The following PTPRJ variants were observed in gnomAD, a reference collection of about 807,000 sequenced individuals.
PTPRJ encodes the protein protein tyrosine phosphatase receptor type J.
In PTPRJ, 129 loss-of-function variants were observed where a neutral mutation model predicts 141.3. That is an observed-to-expected ratio of 0.91 (90% CI 0.79 to 1.06). PTPRJ has a LOEUF of 1.06. PTPRJ is among the 50% of genes least tolerant of loss of function. The pLI is 0.00. For synonymous variants in PTPRJ, 610 were observed against 640.5 expected (o/e 0.95, Z 0.72); for missense variants, 1,601 against 1,679.7 (o/e 0.95, Z 0.82).
chr11:48,159,848 A>G (rs1047333677), intron 21 of PTPRJ, 82 bp from the exon 22 acceptor site: 3 of 1,546,178 alleles, frequency 1.9e-6, no homozygotes, highest in East Asian at 2.3e-5. Context: ...CCAGTTTTCA[A>G]TAGCCAGTCT....
chr11:48,132,008 G>C, intron 8 of PTPRJ: 1 of 369,718 alleles, frequency 2.7e-6, no homozygotes, highest in Non-Finnish European at 3.7e-6. Flanking sequence ...TTAAATCCCT[G>C]ATATAGTAAA....
At chr11:48,006,701 C>G (rs1414999204) in intron 1 of PTPRJ, among the ~76,000 whole-genome samples, 1 of 152,148 alleles carries the variant, frequency 6.6e-6, no homozygotes, top group Non-Finnish European at 1.5e-5. Context: ...TAAAGGTCAC[C>G]CAGTGTCCTT....
At chr11:47,986,765 C>T (rs1197274311) in intron 1 of PTPRJ, among the ~76,000 whole-genome samples, 1 of 152,182 alleles carries the variant, frequency 6.6e-6, no homozygotes, top group African/African-American at 2.4e-5. Flanking sequence ...ATCCACCTGC[C>T]TTGGCCTCCC....
In PTPRJ at chr11:48,139,650, G is replaced by T; in HGVS notation, c.2317G>T (p.Gly773Cys). The T allele has an allele frequency of 6.2e-7, 1 of 1,614,234 alleles. No homozygotes were observed. The highest frequency in any genetic ancestry group is 8.5e-7 in the Non-Finnish European group (1 of 1,180,040). Residue 773 changes from glycine to cysteine, a missense_variant, in exon 11 of 25, where the codon GGC becomes TGC. Coordinates refer to ENST00000418331, the MANE Select transcript of PTPRJ (RefSeq NM_002843.4). Reference protein sequence around the residue: ...THLESCSSENGTEYRTEVTYL... With the variant: ...THLESCSSENCTEYRTEVTYL... ...CCTGGAGAGCTGCTCCTCTGAGAATGGCACTGAGTATAGAACGGAAGTCAC... is the reference window on the plus strand; with the variant it reads ...CCTGGAGAGCTGCTCCTCTGAGAATTGCACTGAGTATAGAACGGAAGTCAC...
chr11:48,164,605 C>T (rs1448373609), intron 24 of PTPRJ, 90 bp downstream of exon 24: 34 of 1,341,226 alleles, frequency 2.5e-5, no homozygotes, highest in Admixed American at 5.7e-5. Flanking sequence ...CTTGCTCTGT[C>T]GCCCAGGCTG....
intron 1 of PTPRJ, among the ~76,000 whole-genome samples, chr11:48,036,158 TTC>T (rs1809245618): frequency 6.6e-6 from 1 of 152,254 alleles, no homozygotes; most frequent in East Asian, 1.9e-4. Flanking sequence ...TTCTCATCTC[TTC>T]TGATCCTGAC....
At chr11:48,061,920 T>A (rs568855328) in intron 1 of PTPRJ, among the ~76,000 whole-genome samples, 3 of 150,414 alleles carry the variant, frequency 2.0e-5, no homozygotes, top group African/African-American at 7.3e-5. Context: ...TTTTTTTTTT[T>A]TTTTTTTTTC....
Position 48,136,127 on chromosome 11 carries a change from G to A in PTPRJ, c.1704G>A (p.Glu568=). Residue 568 remains glutamate, a synonymous_variant, in exon 9 of 25, where the codon GAG becomes GAA. Transcript: ENST00000418331. The stretch of plus-strand genomic sequence containing the variant: ...GGAAGAGCCCTGACGGTGCTTCCGA[G>A]TATGTCTACCATTTAGTCATAGAGT... ...LDWKSPDGAS[E]YVYHLVIESK... The A allele has an allele frequency of 1.2e-6, 2 of 1,614,162 alleles. No individual in the cohort carries two copies. The highest frequency in any genetic ancestry group is 1.1e-5 in the South Asian group (1 of 91,086).
chr11:48,014,159 C>G (rs1322233692), intron 1 of PTPRJ, among the ~76,000 whole-genome samples: 1 of 151,992 alleles, frequency 6.6e-6, no homozygotes, highest in Admixed American at 6.6e-5. Flanking sequence ...GGGTAGTGGC[C>G]CCTTTCCTTG....
chr11:47,999,746 G>T (rs927695373), intron 1 of PTPRJ, among the ~76,000 whole-genome samples: 1 of 152,162 alleles, frequency 6.6e-6, no homozygotes, highest in African/African-American at 2.4e-5. Flanking sequence ...GGGAGAACAT[G>T]ATTGTCTATG....
chr11:48,107,531 C>T (rs187154823), intron 1 of PTPRJ, among the ~76,000 whole-genome samples: 7 of 152,264 alleles, frequency 4.6e-5, no homozygotes, highest in Admixed American at 2.0e-4. Flanking sequence ...GCATTCTTCC[C>T]GTGTCTGTCA....
At chr11:47,988,892 T>TG (rs1293334934) in intron 1 of PTPRJ, among the ~76,000 whole-genome samples, 2 of 137,032 alleles carry the variant, frequency 1.5e-5, no homozygotes, top group Admixed American at 1.4e-4. Flanking sequence ...TTTTTTTTTT[T>TG]TTTTTTTTTT....
chr11:48,113,029 G>T, intron 3 of PTPRJ, 46 bp downstream of exon 3: 1 of 1,453,284 alleles, frequency 6.9e-7, no homozygotes, highest in Non-Finnish European at 9.5e-7. Context: ...AAGGAAATCG[G>T]TAGAATTTAT....
chr11:48,153,447 C>T lies in PTPRJ; in HGVS notation c.3139-349C>T, dbSNP rs189676816. 7.3e-3 allele frequency among the ~76,000 whole-genome samples: 1,078 copies of T among 146,718 alleles called. 20 individuals are homozygous for T. Among genetic ancestry groups the T allele is most frequent in the African/African-American group, 0.026 (1,023 of 39,442 alleles). ...TACTCGGGAGGCTGAGGCAGGAGAC[C>T]GCGCCACTGCACTCCAGCCTGGGCG... On this transcript the variant is annotated intron_variant, in intron 18 of 24. Transcript: ENST00000418331.
At chr11:48,085,534 G>A (rs1377974818) in intron 1 of PTPRJ, among the ~76,000 whole-genome samples, 10 of 151,918 alleles carry the variant, frequency 6.6e-5, no homozygotes, top group African/African-American at 1.2e-4. Context: ...TAGTAGAGAC[G>A]GGGTTTCACC....
At chr11:48,166,597 G>T (rs1218924256) in intron 24 of PTPRJ, among the ~76,000 whole-genome samples, 1 of 152,112 alleles carries the variant, frequency 6.6e-6, no homozygotes, top group Non-Finnish European at 1.5e-5. Context: ...TTACAGACAG[G>T]AGCCACCGCG....
In PTPRJ at chr11:48,010,835, C is replaced by CTAT. The variant is rs377559025; in HGVS notation, c.96+29850_96+29852dup. Among the ~76,000 whole-genome samples, 451 of 151,474 alleles carry CTAT rather than the reference C, an allele frequency of 3.0e-3. 2 individuals are homozygous for CTAT. The highest frequency in any genetic ancestry group is 0.023 in the East Asian group (121 of 5,162). On this transcript the variant is annotated intron_variant, in intron 1 of 24. Coordinates refer to ENST00000418331, the MANE Select transcript of PTPRJ (RefSeq NM_002843.4). ...ATAGGTGTGAGCCACCATGCCTGGC[C>CTAT]TATTATTATTATTATTATTATTATT...
At chr11:48,033,387 G>C (rs1023587244) in intron 1 of PTPRJ, among the ~76,000 whole-genome samples, 1 of 152,032 alleles carries the variant, frequency 6.6e-6, no homozygotes, top group Non-Finnish European at 1.5e-5. Context: ...GGACATGAAG[G>C]CTGGAATTGT....
At chr11:48,116,084 G>A (rs1856558847) in intron 3 of PTPRJ, among the ~76,000 whole-genome samples, 1 of 151,942 alleles carries the variant, frequency 6.6e-6, no homozygotes, top group Non-Finnish European at 1.5e-5. Flanking sequence ...AACCTTGAAA[G>A]TAAAGGGTTT....
Sources: gnomAD v4.1 joint callset for allele counts (sites outside exome capture counted in the v4.1 genomes callset) on GRCh38, gnomAD v4.1.1 for gene constraint, MANE v1.5 for transcripts, NCBI Gene and HGNC (gene_info 2026-07-23, HGNC 2026-07-21) for gene names.